SLCO4C1: variants seen among roughly 807,000 people sequenced by gnomAD.
The protein encoded by SLCO4C1 is solute carrier organic anion transporter family member 4C1.
In SLCO4C1, 58 loss-of-function variants were observed where a neutral mutation model predicts 72.1. The ratio of observed to expected loss-of-function variants is 0.80; its 90% CI spans 0.65 to 1.00. The LOEUF (loss-of-function observed/expected upper bound fraction) is 1.00, where lower values mean the gene tolerates loss of function less well. SLCO4C1 is among the 50% of genes least tolerant of loss of function. SLCO4C1 has a pLI of 0.00. For synonymous variants in SLCO4C1, 297 were observed against 312.5 expected, an observed-to-expected ratio of 0.95 and a Z score of 0.52; for missense variants, 898 against 857.9, an observed-to-expected ratio of 1.05 and a Z score of -0.58.
chr5:102,264,358 C>T (rs2112365746), intron 3 of SLCO4C1, among the ~76,000 whole-genome samples: 1 of 152,174 alleles, frequency 6.6e-6, no homozygotes, highest in East Asian at 1.9e-4. Context: ...CCATATATAA[C>T]TCTGAATTTT....
At chr5:102,237,170 G>T in intron 12 of SLCO4C1, 152 bp from the exon 13 acceptor site, 1 of 781,544 alleles carries the variant, frequency 1.3e-6, no homozygotes, top group Non-Finnish European at 1.9e-6. Context: ...ACATTAAGGG[G>T]AAAGAAAAAA....
At position 102,244,358 on chromosome 5, in the gene SLCO4C1, G is replaced by T. The variant is rs561032672; in HGVS notation, c.1811+2894C>A. 2.6e-5 allele frequency among the ~76,000 whole-genome samples: 4 copies of T among 151,352 alleles called. No individual in the cohort carries two copies. In the South Asian group the frequency reaches 6.3e-4, roughly 24 times the overall value. ...CAGTCATAGGAGACAAAAGAAAAAA[G>T]AATAAAAAACAATGAAGCATGCCTA... On this transcript the variant is annotated intron_variant, in intron 10 of 12. Transcript: ENST00000310954.
chr5:102,282,836 T>C (rs1749382416), intron 2 of SLCO4C1, among the ~76,000 whole-genome samples: 1 of 152,056 alleles, frequency 6.6e-6, no homozygotes. Flanking sequence ...TTTAAAAGAC[T>C]GAACAGTGTT....
chr5:102,242,993 C>A (rs374357866), intron 10 of SLCO4C1, among the ~76,000 whole-genome samples: 14 of 152,264 alleles, frequency 9.2e-5, no homozygotes, highest in African/African-American at 3.4e-4. Flanking sequence ...TGAGTCCCAG[C>A]CCAGCCAGCA....
chr5:102,256,522 AT>A (rs1208149884), intron 8 of SLCO4C1, among the ~76,000 whole-genome samples: 1 of 152,206 alleles, frequency 6.6e-6, no homozygotes, highest in Admixed American at 6.5e-5. Flanking sequence ...CCACCTACTT[AT>A]GGCTTAAAAT....
At chr5:102,294,357 T>C (rs1749609396) in intron 1 of SLCO4C1, among the ~76,000 whole-genome samples, 1 of 152,230 alleles carries the variant, frequency 6.6e-6, no homozygotes, top group Admixed American at 6.5e-5. Flanking sequence ...ATTGGGTCAC[T>C]ATTATCTCAG....
chr5:102,249,568 C>A (rs989575388), intron 9 of SLCO4C1, 70 bp downstream of exon 9: 2 of 1,539,020 alleles, frequency 1.3e-6, no homozygotes, highest in Admixed American at 3.5e-5. Flanking sequence ...TTGCATAACC[C>A]CATTAGAGAA....
chr5:102,283,417 G>C (rs1749392220), intron 2 of SLCO4C1, among the ~76,000 whole-genome samples: 1 of 151,964 alleles, frequency 6.6e-6, no homozygotes, highest in Non-Finnish European at 1.5e-5. Context: ...CTCTGCTAAA[G>C]TGCTGAATAC....
chr5:102,243,929 A>G (rs1748591818), intron 10 of SLCO4C1, among the ~76,000 whole-genome samples: 1 of 152,182 alleles, frequency 6.6e-6, no homozygotes, highest in Non-Finnish European at 1.5e-5. Context: ...TCACACCTGC[A>G]ATTCCCAGCA....
chr5:102,291,488 C>G lies in SLCO4C1; in HGVS notation c.474G>C (p.Leu158Phe), dbSNP rs138114759. Residue 158 changes from leucine (L) to phenylalanine (F), a missense_variant, in exon 2 of 13, where the codon TTG becomes TTC. By Grantham distance (22) the Leu-to-Phe change is conservative (BLOSUM62 0). Coordinates refer to ENST00000310954, the MANE Select transcript of SLCO4C1 (RefSeq NM_180991.5). ...SSSYDISFCLLSLFVSFFGER... is the reference protein window; with the variant it reads ...SSSYDISFCLFSLFVSFFGER... The stretch of plus-strand genomic sequence containing the variant: ...CACCAAAGAATGATACAAATAAAGA[C>G]AACAAACAGAATGAAATATCGTAGC... 8 of 1,614,068 alleles carry G rather than the reference C, an allele frequency of 5.0e-6. No individual in the cohort carries two copies. In the East Asian group the frequency reaches 1.6e-4, roughly 31 times the overall value.
intron 12 of SLCO4C1, among the ~76,000 whole-genome samples, chr5:102,237,537 T>C (rs970192354): frequency 6.6e-6 from 1 of 151,946 alleles, no homozygotes; most frequent in Non-Finnish European, 1.5e-5. Flanking sequence ...GCTTCACCCC[T>C]AGAGGTGGAG....
In SLCO4C1 at chr5:102,272,829, C is replaced by T. The variant is rs999252300; in HGVS notation, c.620-2023G>A. Among the ~76,000 whole-genome samples, 32 of 151,968 alleles carry T rather than the reference C, an allele frequency of 2.1e-4. 1 individual carries two copies. Among genetic ancestry groups the T allele is most frequent in the Admixed American group, 1.9e-3 (29 of 15,224 alleles). On this transcript the variant is annotated intron_variant, in intron 2 of 12. Transcript: ENST00000310954. ...AATTAGCCAAGTGTGGTGGCACACC[C>T]CTGTAGTCCCAGCTACTCGGGAGGC...
chr5:102,254,485 C>A lies in SLCO4C1; in HGVS notation c.1469+2630G>T, dbSNP rs1407079939. On this transcript the variant is annotated intron_variant, in intron 8 of 12. Coordinates refer to ENST00000310954, the MANE Select transcript of SLCO4C1 (RefSeq NM_180991.5). ...TTGTTTCAGGACACCATGAACCATG[C>A]CCCTTTAAGAAGTAAAATTTAATCA... Among the ~76,000 whole-genome samples, 4 of 152,186 alleles carry A rather than the reference C, an allele frequency of 2.6e-5. No homozygotes were observed. The East Asian group carries it at 7.7e-4, about 29-fold the overall frequency.
At chr5:102,287,812 C>T (rs1019452449) in intron 2 of SLCO4C1, among the ~76,000 whole-genome samples, 13 of 152,054 alleles carry the variant, frequency 8.5e-5, no homozygotes, top group Non-Finnish European at 1.5e-4. Flanking sequence ...CCTTGGCCTC[C>T]AAAAGTGCTG....
At chr5:102,271,849 A>T (rs1272907616) in intron 2 of SLCO4C1, among the ~76,000 whole-genome samples, 2 of 152,132 alleles carry the variant, frequency 1.3e-5, no homozygotes, top group Non-Finnish European at 2.9e-5. Flanking sequence ...ACATATACAC[A>T]CAGAATGGAT....
At position 102,291,321 on chromosome 5, in the gene SLCO4C1, C is replaced by A. The variant is rs572577076; in HGVS notation, c.619+22G>T. Reference sequence around the variant, plus strand: ...ATCCACTTCTTCAGATTAAAACAAACATAAACACAATAGAAACTTACCTTC... The same window carrying A: ...ATCCACTTCTTCAGATTAAAACAAAAATAAACACAATAGAAACTTACCTTC... On this transcript the variant is annotated intron_variant, in intron 2 of 12. Coordinates refer to ENST00000310954, the MANE Select transcript of SLCO4C1 (RefSeq NM_180991.5). 11 of 1,602,660 alleles carry A rather than the reference C, an allele frequency of 6.9e-6. No individual in the cohort carries two copies. The East Asian group carries it at 1.6e-4, about 23-fold the overall frequency.
intron 12 of SLCO4C1, 54 bp downstream of exon 12, chr5:102,239,197 T>A (rs1748491575): frequency 6.8e-7 from 1 of 1,464,964 alleles, no homozygotes; most frequent in Non-Finnish European, 9.0e-7. Context: ...AATGAGATTT[T>A]TTTTTTTTTA....
chr5:102,287,725 T>G (rs927411743), intron 2 of SLCO4C1, among the ~76,000 whole-genome samples: 6 of 151,908 alleles, frequency 3.9e-5, no homozygotes, highest in Admixed American at 1.3e-4. Flanking sequence ...TTTTTTTCTT[T>G]TTGTATTTTT....
intron 2 of SLCO4C1, among the ~76,000 whole-genome samples, chr5:102,279,322 C>T (rs1365330410): frequency 6.6e-6 from 1 of 152,014 alleles, no homozygotes; most frequent in Non-Finnish European, 1.5e-5. Context: ...GAAGTAACTG[C>T]AGTTTTTGCC....
Sources: gnomAD v4.1 joint callset for allele counts (sites outside exome capture counted in the v4.1 genomes callset) on GRCh38, gnomAD v4.1.1 for gene constraint, MANE v1.5 for transcripts, NCBI Gene and HGNC (gene_info 2026-07-23, HGNC 2026-07-21) for gene names.